SLC15A1: variants seen among roughly 807,000 people sequenced by gnomAD.
SLC15A1 encodes the protein solute carrier family 15 member 1.
Under a neutral mutation model 92.9 loss-of-function variants are expected in SLC15A1, and 83 were observed. That is an observed-to-expected ratio of 0.89 (90% CI 0.75 to 1.07). The LOEUF (loss-of-function observed/expected upper bound fraction) is 1.07. Ranked by LOEUF, SLC15A1 falls within the 50% of genes least tolerant of loss-of-function variation. The probability of loss-of-function intolerance (pLI) is 0.00; values close to 1 mark genes in which losing one functional copy is unlikely to be tolerated. For missense variants in SLC15A1, 857 were observed against 880.1 expected (o/e 0.97, Z 0.33); for synonymous variants, 322 against 318.2 (o/e 1.01, Z -0.13).
chr13:98,697,006 T>A (rs1370654420), intron 18 of SLC15A1, among the ~76,000 whole-genome samples: 1 of 152,066 alleles, frequency 6.6e-6, no homozygotes, highest in Non-Finnish European at 1.5e-5. Context: ...CCTTCTGGCA[T>A]CCTGATCTTA....
At chr13:98,715,418 C>T (rs997765805) in intron 9 of SLC15A1, among the ~76,000 whole-genome samples, 1 of 152,244 alleles carries the variant, frequency 6.6e-6, no homozygotes, top group African/African-American at 2.4e-5. Flanking sequence ...AGTGATCCGC[C>T]CGCCTAGGCC....
chr13:98,694,182 C>T (rs1247072042), intron 18 of SLC15A1, among the ~76,000 whole-genome samples: 1 of 152,026 alleles, frequency 6.6e-6, no homozygotes, highest in Non-Finnish European at 1.5e-5. Context: ...TATGCCCCAC[C>T]GATACTCCCT....
At position 98,702,782 on chromosome 13, in the gene SLC15A1, C is replaced by A. The variant is rs2088078583; in HGVS notation, c.1417-253G>T. On this transcript the variant is annotated intron_variant, in intron 17 of 22. Transcript: ENST00000376503. ...ACCAGCCTGTGAGACACAGTGAGAC[C>A]TTGTCTCTCTTAGAAATTAGCCAGG... is the stretch of plus-strand genomic sequence containing the variant. Among the ~76,000 whole-genome samples the A allele has an allele frequency of 2.0e-5, 3 of 151,930 alleles. No individual in the cohort carries two copies. The South Asian group carries it at 6.2e-4, about 32-fold the overall frequency.
chr13:98,729,722 C>G (rs1324322632), intron 1 of SLC15A1, among the ~76,000 whole-genome samples: 3 of 152,178 alleles, frequency 2.0e-5, no homozygotes, highest in Non-Finnish European at 2.9e-5. Context: ...GTTCAAAGCC[C>G]TATCCCACAA....
Position 98,721,507 on chromosome 13 carries a change from G to C in SLC15A1, c.544C>G (p.Pro182Ala), listed in dbSNP as rs533040643. 1.2e-6 allele frequency: 2 copies of C among 1,612,618 alleles called. No individual in the cohort carries two copies. The highest frequency in any genetic ancestry group is 2.7e-5 in the African/African-American group (2 of 75,020). ...AGSLLSTIIT[P>A]MLRVQQCGIH... ...AGGTATCTCTTACCTCTGAGCATGG[G>C]TGTGATGATTGTGGAAAGCAAACTT... is the stretch of plus-strand genomic sequence containing the variant. Residue 182 changes from proline (P) to alanine (A), a missense_variant, in exon 7 of 23, where the codon CCC becomes GCC. By Grantham distance (27) the Pro-to-Ala change is conservative. Transcript: ENST00000376503.
chr13:98,735,772 T>C (rs1214841053), intron 1 of SLC15A1, among the ~76,000 whole-genome samples: 1 of 152,038 alleles, frequency 6.6e-6, no homozygotes, highest in African/African-American at 2.4e-5. Context: ...TACCTAGGAA[T>C]CCAACTTACA....
intron 1 of SLC15A1, among the ~76,000 whole-genome samples, chr13:98,733,941 G>T (rs1283276686): frequency 1.3e-5 from 2 of 152,194 alleles, no homozygotes; most frequent in African/African-American, 2.4e-5. Flanking sequence ...CACAGTGAGT[G>T]AGTTCTTGTG....
At chr13:98,742,003 TGC>T (rs1232045381) in intron 1 of SLC15A1, among the ~76,000 whole-genome samples, 1 of 152,186 alleles carries the variant, frequency 6.6e-6, no homozygotes, top group Non-Finnish European at 1.5e-5. Flanking sequence ...CTGGGTGTGT[TGC>T]CATGTGGACA....
intron 8 of SLC15A1, among the ~76,000 whole-genome samples, chr13:98,717,868 TG>T (rs1365914800): frequency 6.6e-6 from 1 of 152,092 alleles, no homozygotes; most frequent in Admixed American, 6.5e-5. Flanking sequence ...AGAGTTGAGG[TG>T]GCCGCTGGGC....
At chr13:98,736,560 C>T (rs1438155229) in intron 1 of SLC15A1, among the ~76,000 whole-genome samples, 1 of 152,148 alleles carries the variant, frequency 6.6e-6, no homozygotes, top group African/African-American at 2.4e-5. Context: ...AGGTAACCAA[C>T]AGAATGGGAG....
At position 98,728,977 on chromosome 13, in the gene SLC15A1, T is replaced by TAAAAAA. The variant is rs71218592; in HGVS notation, c.5-2124_5-2119dup. On this transcript the variant is annotated intron_variant, in intron 1 of 22. Coordinates refer to ENST00000376503, the MANE Select transcript of SLC15A1 (RefSeq NM_005073.4). Reference sequence around the variant, plus strand: ...GCCTAGGCCACAGAGTAAGGCTCTGTAAAAAAAAAAAAAAAAAAAAAAAAA... The same window carrying TAAAAAA: ...GCCTAGGCCACAGAGTAAGGCTCTGTAAAAAAAAAAAAAAAAAAAAAAAAAAAAAAA... Among the ~76,000 whole-genome samples the TAAAAAA allele has an allele frequency of 2.6e-3, 36 of 13,886 alleles. 2 individuals carry two copies. The highest frequency in any genetic ancestry group is 6.0e-3 in the Admixed American group (4 of 668). The allele number at this position is 13,886 out of a possible 152,430, so 9.1% of individuals were successfully genotyped here. A position where few individuals can be genotyped will look rare whatever the true frequency, so the allele number is the denominator to read the frequency against.
intron 1 of SLC15A1, among the ~76,000 whole-genome samples, chr13:98,728,979 A>T (rs1336478246): frequency 2.9e-5 from 3 of 104,090 alleles, no homozygotes; most frequent in African/African-American, 8.2e-5. Flanking sequence ...AGGCTCTGTA[A>T]AAAAAAAAAA....
At chr13:98,721,979 T>A in intron 5 of SLC15A1, 76 bp from the exon 6 acceptor site, 1 of 1,227,330 alleles carries the variant, frequency 8.1e-7, no homozygotes, top group Non-Finnish European at 1.2e-6. Flanking sequence ...CCAGTTTCCC[T>A]CAGTGGGCCT....
At chr13:98,686,460 C>T (rs767793438) in intron 21 of SLC15A1, among the ~76,000 whole-genome samples, 163 bp from the exon 22 acceptor site, 5 of 152,210 alleles carry the variant, frequency 3.3e-5, no homozygotes, top group Non-Finnish European at 7.3e-5. Flanking sequence ...TAACAAGACA[C>T]CCAAACATGC....
rs943591882 is a variant in SLC15A1, at chr13:98,721,484, G to A, written c.556+11C>T. Reference sequence around the variant, plus strand: ...AAAGACCAACAGAAGTTCCTTTCAGGTATCTCTTACCTCTGAGCATGGGTG... The same window carrying A: ...AAAGACCAACAGAAGTTCCTTTCAGATATCTCTTACCTCTGAGCATGGGTG... On this transcript the variant is annotated intron_variant, in intron 7 of 22. Transcript: ENST00000376503. The A allele has an allele frequency of 6.3e-6, 10 of 1,598,188 alleles. No individual in the cohort carries two copies. The highest frequency in any genetic ancestry group is 1.7e-4 in the Middle Eastern group (1 of 6,032).
chr13:98,708,527 C>T (rs2088133470), intron 15 of SLC15A1, among the ~76,000 whole-genome samples, 159 bp downstream of exon 15: 1 of 152,152 alleles, frequency 6.6e-6, no homozygotes, highest in African/African-American at 2.4e-5. Context: ...ACTGTACCCT[C>T]ACACCCATGG....
intron 18 of SLC15A1, among the ~76,000 whole-genome samples, chr13:98,701,507 T>A (rs1363804869): frequency 1.3e-5 from 2 of 151,348 alleles, no homozygotes; most frequent in Non-Finnish European, 2.9e-5. Flanking sequence ...ATATATATAT[T>A]GATTTATTTT....
chr13:98,692,204 A>G lies in SLC15A1; in HGVS notation c.1467-3627T>C, dbSNP rs1259843495. 2.5e-5 allele frequency among the ~76,000 whole-genome samples: 3 copies of G among 120,318 alleles called. No individual in the cohort carries two copies. The East Asian group carries it at 8.4e-4, about 34-fold the overall frequency. 78.9% of individuals were successfully genotyped at this position (120,318 alleles called of 152,430 possible). Reference sequence around the variant, plus strand: ...GGCCTCACTCTGTCACCCAGGCTGGAGTGCAGTGGTGCAATCATGGCTCAC... The same window carrying G: ...GGCCTCACTCTGTCACCCAGGCTGGGGTGCAGTGGTGCAATCATGGCTCAC... On this transcript the variant is annotated intron_variant, in intron 18 of 22. Coordinates refer to ENST00000376503, the MANE Select transcript of SLC15A1 (RefSeq NM_005073.4).
chr13:98,696,472 C>G (rs2088022758), intron 18 of SLC15A1, among the ~76,000 whole-genome samples: 1 of 151,814 alleles, frequency 6.6e-6, no homozygotes, highest in Non-Finnish European at 1.5e-5. Context: ...TTTAACAACA[C>G]CAAAACAAGA....
Sources: allele counts gnomAD v4.1 joint callset (sites outside exome capture counted in the v4.1 genomes callset), GRCh38; gene constraint gnomAD v4.1.1; transcripts MANE v1.5; gene names NCBI Gene and HGNC (gene_info 2026-07-23, HGNC 2026-07-21).